Variants in CSGALNACT1 observed in about 807,000 individuals in gnomAD.
The protein encoded by CSGALNACT1 is beta4GalNAcT-1.
CSGALNACT1 carries 52 observed loss-of-function variants against 51.0 expected under a neutral mutation model. The observed-to-expected ratio is 1.02, with a 90% CI of 0.82 to 1.29. The LOEUF is 1.29. Among genes scored for constraint, CSGALNACT1 ranks in the 50% most tolerant of loss-of-function variants. The probability of loss-of-function intolerance (pLI) is 0.00; values close to 1 mark genes in which losing one functional copy is unlikely to be tolerated. For synonymous variants in CSGALNACT1, 341 were observed against 254.4 expected (o/e 1.34, Z -3.24); for missense variants, 935 against 679.2 (o/e 1.38, Z -4.19).
At chr8:19,736,237 T>C (rs1193884857) in intron 1 of CSGALNACT1, among the ~76,000 whole-genome samples, 1 of 152,212 alleles carries the variant, frequency 6.6e-6, no homozygotes, top group East Asian at 1.9e-4. Flanking sequence ...CTTGTTTTTA[T>C]AAATAAAGTT....
At chr8:19,592,357 G>C (rs1164010136) in intron 2 of CSGALNACT1, among the ~76,000 whole-genome samples, 1 of 152,168 alleles carries the variant, frequency 6.6e-6, no homozygotes, top group African/African-American at 2.4e-5. Flanking sequence ...AAAGGGCTAT[G>C]ATGTATACAC....
chr8:19,535,738 C>G (rs2083606206), intron 3 of CSGALNACT1, among the ~76,000 whole-genome samples: 1 of 152,116 alleles, frequency 6.6e-6, no homozygotes, highest in African/African-American at 2.4e-5. Flanking sequence ...ATCACATGAT[C>G]TTATCAACTG....
intron 1 of CSGALNACT1, among the ~76,000 whole-genome samples, chr8:19,622,698 T>C (rs1227156997): frequency 6.6e-6 from 1 of 151,964 alleles, no homozygotes; most frequent in Non-Finnish European, 1.5e-5. Context: ...ATACACACTC[T>C]CTAATGTAAC....
chr8:19,687,252 A>G (rs908098176), upstream of CSGALNACT1, among the ~76,000 whole-genome samples: 1 of 152,084 alleles, frequency 6.6e-6, no homozygotes, highest in Non-Finnish European at 1.5e-5. Flanking sequence ...CAAATTCCTC[A>G]GCAAGACATT....
chr8:19,684,179 A>T (rs1044330663), upstream of CSGALNACT1, among the ~76,000 whole-genome samples: 1 of 152,136 alleles, frequency 6.6e-6, no homozygotes, highest in Admixed American at 6.5e-5. Context: ...AAAAAAATAC[A>T]TAATAAAGCT....
At chr8:19,509,903 T>A (rs2078137773) in intron 3 of CSGALNACT1, among the ~76,000 whole-genome samples, 1 of 152,112 alleles carries the variant, frequency 6.6e-6, no homozygotes, top group Non-Finnish European at 1.5e-5. Context: ...GAGCTACTAT[T>A]TTAAGAACTT....
intron 3 of CSGALNACT1, among the ~76,000 whole-genome samples, chr8:19,584,818 C>G (rs1009889384): frequency 6.6e-6 from 1 of 152,120 alleles, no homozygotes; most frequent in African/African-American, 2.4e-5. Flanking sequence ...TGATTTTTCT[C>G]CTAACAGAAT....
At chr8:19,752,038 A>G (rs1346197197) in intron 1 of CSGALNACT1, among the ~76,000 whole-genome samples, 2 of 147,532 alleles carry the variant, frequency 1.4e-5, no homozygotes, top group Non-Finnish European at 3.0e-5. Context: ...AAAATATACA[A>G]TGTTATATAA....
At chr8:19,464,099 C>A (rs1586604186) in intron 4 of CSGALNACT1, among the ~76,000 whole-genome samples, 1 of 152,224 alleles carries the variant, frequency 6.6e-6, no homozygotes, top group East Asian at 1.9e-4. Flanking sequence ...CAGAATTTCT[C>A]TTTAAACTTT....
intron 4 of CSGALNACT1, among the ~76,000 whole-genome samples, chr8:19,476,134 C>G (rs966278145): frequency 6.6e-6 from 1 of 152,160 alleles, no homozygotes; most frequent in Non-Finnish European, 1.5e-5. Context: ...AAGATGTCAA[C>G]TGAATATGGC....
intron 4 of CSGALNACT1, among the ~76,000 whole-genome samples, chr8:19,463,035 C>G (rs1312241629): frequency 1.3e-5 from 2 of 152,176 alleles, no homozygotes; most frequent in Non-Finnish European, 2.9e-5. Context: ...CCCATGTGTA[C>G]TCAATGTTTA....
In CSGALNACT1 at chr8:19,757,810, T is replaced by G. The variant is rs1305946196; in HGVS notation, c.-297+40A>C. 6.6e-6 allele frequency: 1 copy of G among 152,270 alleles called. No individual in the cohort carries two copies. The highest frequency in any genetic ancestry group is 1.5e-5 in the Non-Finnish European group (1 of 68,094). 9.4% of individuals were successfully genotyped at this position (152,270 alleles called of 1,614,324 possible). A position where few individuals can be genotyped will look rare whatever the true frequency, so the allele number is the denominator to read the frequency against. On this transcript the variant is annotated intron_variant, in intron 1 of 1. Coordinates refer to the CSGALNACT1 transcript ENST00000517494. This position sits in a 1 kb window ranked among gnomAD's most constrained non-coding sequence, Gnocchi z 4.0. Reference sequence around the variant, plus strand: ...GCTTTAGTCGCGGTCTCTGCTGCCCTGGTCAGCTATAACGCCTCCCCTAGA... The same window carrying G: ...GCTTTAGTCGCGGTCTCTGCTGCCCGGGTCAGCTATAACGCCTCCCCTAGA...
chr8:19,532,684 G>T (rs902230547), intron 3 of CSGALNACT1, among the ~76,000 whole-genome samples: 2 of 152,152 alleles, frequency 1.3e-5, no homozygotes, highest in Non-Finnish European at 2.9e-5. Flanking sequence ...AGTCATACGA[G>T]TACTCAGATG....
chr8:19,494,767 T>C (rs2075128884), intron 4 of CSGALNACT1, among the ~76,000 whole-genome samples: 1 of 152,028 alleles, frequency 6.6e-6, no homozygotes, highest in Non-Finnish European at 1.5e-5. Context: ...AACCTTCAGA[T>C]GAAGTCACCT....
intron 1 of CSGALNACT1, among the ~76,000 whole-genome samples, chr8:19,716,471 C>CT (rs2154236799): frequency 6.6e-6 from 1 of 151,632 alleles, no homozygotes; most frequent in Non-Finnish European, 1.5e-5. Flanking sequence ...AAACTTTTCC[C>CT]TTTTTAAAAA....
chr8:19,679,409 A>G (rs1332238616), intron 1 of CSGALNACT1, among the ~76,000 whole-genome samples: 1 of 152,106 alleles, frequency 6.6e-6, no homozygotes, highest in East Asian at 1.9e-4. Flanking sequence ...ATGAGCCATG[A>G]TCATGCCACT....
At chr8:19,653,647 T>G (rs924768521) in intron 1 of CSGALNACT1, among the ~76,000 whole-genome samples, 3 of 151,960 alleles carry the variant, frequency 2.0e-5, no homozygotes, top group South Asian at 2.1e-4. Flanking sequence ...TTAAAAAAAT[T>G]TGTGGGTGTG....
intron 6 of CSGALNACT1, among the ~76,000 whole-genome samples, chr8:19,433,061 A>G (rs2059878283): frequency 6.6e-6 from 1 of 152,124 alleles, no homozygotes. Context: ...AGAAAGTAGA[A>G]TCTCCTCCTT....
intron 3 of CSGALNACT1, among the ~76,000 whole-genome samples, chr8:19,562,535 GA>G (rs1296570417): frequency 2.0e-5 from 3 of 149,646 alleles, no homozygotes; most frequent in Non-Finnish European, 4.4e-5. Flanking sequence ...ACAGAATGGG[GA>G]AAAATTCTGC....
Sources: gnomAD v4.1 joint callset for allele counts (sites outside exome capture counted in the v4.1 genomes callset) on GRCh38, gnomAD v4.1.1 for gene constraint, Gnocchi (gnomAD v3.1) non-coding constraint, MANE v1.5 for transcripts, NCBI Gene and HGNC (gene_info 2026-07-23, HGNC 2026-07-21) for gene names.